APP: variants seen among roughly 807,000 people sequenced by gnomAD.
APP encodes the protein amyloid-beta precursor protein.
A neutral mutation model predicts 101.4 loss-of-function variants in APP; 31 were observed. The ratio of observed to expected loss-of-function variants is 0.31; its 90% CI spans 0.23 to 0.41. The LOEUF is 0.41. Among genes scored for constraint, APP ranks in the 10% least tolerant of loss-of-function variants. APP has a pLI of 1.00. For synonymous variants in APP, 366 were observed against 364.4 expected (o/e 1.00, Z -0.05); for missense variants, 839 against 1,003.7 (o/e 0.84, Z 2.22).
chr21:26,028,699 C>G (rs1449670281), intron 5 of APP, among the ~76,000 whole-genome samples: 2 of 152,204 alleles, frequency 1.3e-5, no homozygotes, highest in Non-Finnish European at 2.9e-5. Context: ...AAGTACCTCT[C>G]TAAGCCAACC....
chr21:26,024,405 A>G (rs1263082113), intron 5 of APP, among the ~76,000 whole-genome samples: 1 of 152,166 alleles, frequency 6.6e-6, no homozygotes, highest in African/African-American at 2.4e-5. Context: ...GGGAAAAGTG[A>G]TAGGAACCCG....
chr21:26,138,325 G>A (rs1023759332), intron 1 of APP, among the ~76,000 whole-genome samples: 2 of 151,962 alleles, frequency 1.3e-5, no homozygotes, highest in Non-Finnish European at 2.9e-5. Context: ...TAGAGAGTTG[G>A]CAGATCATAT....
intron 15 of APP, among the ~76,000 whole-genome samples, chr21:25,904,512 C>G (rs539842794): frequency 6.6e-6 from 1 of 152,252 alleles, no homozygotes; most frequent in South Asian, 2.1e-4. Context: ...ATTTTGGGCT[C>G]TGGAAAGAAA....
chr21:26,152,042 C>T (rs989511456), intron 1 of APP, among the ~76,000 whole-genome samples: 17 of 151,842 alleles, frequency 1.1e-4, no homozygotes, highest in Admixed American at 9.2e-4. Context: ...TTTGGGAGGC[C>T]GAGGCGGGGG....
intron 1 of APP, among the ~76,000 whole-genome samples, chr21:26,122,225 G>A (rs1392172410): frequency 6.6e-6 from 1 of 152,244 alleles, no homozygotes; most frequent in Non-Finnish European, 1.5e-5. Flanking sequence ...AGGATGGGGA[G>A]AGGTAGTTAG....
intron 1 of APP, among the ~76,000 whole-genome samples, chr21:26,137,025 CCTGGGTT>C (rs1331964820): frequency 1.3e-4 from 19 of 146,310 alleles, no homozygotes; most frequent in East Asian, 7.9e-4. Context: ...ACCTATGCCT[CCTGGGTT>C]CAAGAGATCC....
At chr21:25,975,021 C>T (rs2042171560) in intron 11 of APP, 49 bp downstream of exon 11, 1 of 1,611,734 alleles carries the variant, frequency 6.2e-7, no homozygotes, top group African/African-American at 1.3e-5. Flanking sequence ...CCCACCCTTA[C>T]TGTCTGTGCT....
intron 2 of APP, among the ~76,000 whole-genome samples, chr21:26,091,635 T>A (rs2061828239): frequency 6.6e-6 from 1 of 151,976 alleles, no homozygotes; most frequent in South Asian, 2.1e-4. Flanking sequence ...TGAACATCGA[T>A]GAGGTAGAAA....
intron 8 of APP, among the ~76,000 whole-genome samples, chr21:25,991,387 T>TC (rs957077265): frequency 2.0e-5 from 3 of 152,100 alleles, no homozygotes; most frequent in African/African-American, 7.2e-5. Flanking sequence ...ACCTTTTTTT[T>TC]CCCCCTTGAG....
intron 1 of APP, among the ~76,000 whole-genome samples, chr21:26,168,571 A>G (rs919791723): frequency 6.6e-6 from 1 of 151,476 alleles, no homozygotes; most frequent in Non-Finnish European, 1.5e-5. Context: ...TTATACAGAA[A>G]GAAATATTGC....
chr21:25,989,780 T>C (rs2042784215), intron 8 of APP, among the ~76,000 whole-genome samples: 1 of 152,210 alleles, frequency 6.6e-6, no homozygotes, highest in East Asian at 1.9e-4. Flanking sequence ...GAGATGGCTA[T>C]AATTTAGGAA....
intron 11 of APP, among the ~76,000 whole-genome samples, chr21:25,970,563 A>AC (rs2041992862): frequency 6.6e-6 from 1 of 152,240 alleles, no homozygotes; most frequent in African/African-American, 2.4e-5. Flanking sequence ...CTGCAGAGAT[A>AC]TAAAAAAAAA....
intron 6 of APP, among the ~76,000 whole-genome samples, chr21:26,014,064 G>C (rs767347580): frequency 2.6e-5 from 4 of 152,086 alleles, no homozygotes; most frequent in Non-Finnish European, 5.9e-5. Flanking sequence ...AAAACACAAA[G>C]GTAAAGGCCT....
At chr21:25,934,802 TATG>T (rs753491292) in intron 13 of APP, 2 of 152,364 alleles carry the variant, frequency 1.3e-5, no homozygotes, top group South Asian at 2.1e-4. Flanking sequence ...TCACGAGCTC[TATG>T]ATAATAGTCT....
chr21:25,992,936 T>C (rs996199410), intron 8 of APP, among the ~76,000 whole-genome samples: 1 of 152,208 alleles, frequency 6.6e-6, no homozygotes, highest in African/African-American at 2.4e-5. Context: ...AAGAATAGTG[T>C]GATTAAGAAC....
At chr21:26,114,393 T>C (rs781507483) in intron 1 of APP, among the ~76,000 whole-genome samples, 3 of 152,178 alleles carry the variant, frequency 2.0e-5, no homozygotes, top group Non-Finnish European at 4.4e-5. Flanking sequence ...GTGCAACAAA[T>C]GGAGTACAGC....
At chr21:25,946,380 A>C (rs530608758) in intron 13 of APP, among the ~76,000 whole-genome samples, 1 of 152,330 alleles carries the variant, frequency 6.6e-6, no homozygotes, top group Admixed American at 6.5e-5. Context: ...CAATAATAAC[A>C]GCAGGCCGAG....
At chr21:26,036,421 T>A (rs1467223385) in intron 5 of APP, among the ~76,000 whole-genome samples, 1 of 152,170 alleles carries the variant, frequency 6.6e-6, no homozygotes, top group East Asian at 1.9e-4. Context: ...AAGAACTTAC[T>A]AATCTTAAGG....
At chr21:26,029,942 G>A (rs1418912430) in intron 5 of APP, among the ~76,000 whole-genome samples, 2 of 152,054 alleles carry the variant, frequency 1.3e-5, no homozygotes, top group Non-Finnish European at 2.9e-5. Context: ...TTACGTTAGT[G>A]AATTAGTGAA....
Sources: gnomAD v4.1 joint callset for allele counts (sites outside exome capture counted in the v4.1 genomes callset) on GRCh38, gnomAD v4.1.1 for gene constraint, MANE v1.5 for transcripts, NCBI Gene and HGNC (gene_info 2026-07-23, HGNC 2026-07-21) for gene names.